The following TAOK3 variants were observed in gnomAD, a reference collection of about 807,000 sequenced individuals.
TAOK3 encodes TAO kinase 3, also known as serine/threonine-protein kinase TAO3.
In TAOK3, 40 loss-of-function variants were observed where a neutral mutation model predicts 120.4. The observed-to-expected ratio is 0.33, with a 90% CI of 0.26 to 0.43. The LOEUF (loss-of-function observed/expected upper bound fraction) is 0.43, where lower values mean the gene tolerates loss of function less well. TAOK3 is among the 20% of genes least tolerant of loss of function. The pLI, the probability that TAOK3 is intolerant of heterozygous loss-of-function variation, is 1.00. For synonymous variants in TAOK3, 355 were observed against 387.5 expected, an observed-to-expected ratio of 0.92 and a Z score of 0.99; for missense variants, 821 against 1,112.1, an observed-to-expected ratio of 0.74 and a Z score of 3.72.
intron 17 of TAOK3, among the ~76,000 whole-genome samples, chr12:118,162,397 A>G (rs2035277649): frequency 6.6e-6 from 1 of 152,136 alleles, no homozygotes; most frequent in Admixed American, 6.6e-5. Flanking sequence ...CTACACCCTG[A>G]CGGCCCATAA....
At chr12:118,356,456 C>G (rs545517719) in intron 1 of TAOK3, among the ~76,000 whole-genome samples, 2 of 151,978 alleles carry the variant, frequency 1.3e-5, no homozygotes, top group Admixed American at 6.6e-5. Context: ...TACACCACCA[C>G]GCCCAGCTAA....
At chr12:118,200,416 T>C (rs998748946) in intron 12 of TAOK3, 10 of 152,178 alleles carry the variant, frequency 6.6e-5, no homozygotes, top group African/African-American at 2.4e-4. Context: ...TATTTATGGA[T>C]CTCTCTACAT....
intron 13 of TAOK3, among the ~76,000 whole-genome samples, chr12:118,195,998 T>A (rs1593121879): frequency 1.3e-5 from 2 of 151,732 alleles, no homozygotes; most frequent in Non-Finnish European, 2.9e-5. Flanking sequence ...TGCAGTGAAC[T>A]GAGATCGCGC....
At chr12:118,278,733 C>T (rs557931371) in intron 1 of TAOK3, among the ~76,000 whole-genome samples, 1 of 152,306 alleles carries the variant, frequency 6.6e-6, no homozygotes, top group African/African-American at 2.4e-5. Flanking sequence ...TCCACAATGA[C>T]TGAACTAATT....
intron 1 of TAOK3, among the ~76,000 whole-genome samples, chr12:118,350,503 A>G (rs1471053609): frequency 2.0e-5 from 3 of 152,174 alleles, no homozygotes; most frequent in African/African-American, 4.8e-5. Flanking sequence ...TCATTCAGCA[A>G]TTGTTATTGT....
At chr12:118,357,673 C>T (rs921941313) in intron 1 of TAOK3, among the ~76,000 whole-genome samples, 2 of 152,170 alleles carry the variant, frequency 1.3e-5, no homozygotes, top group Non-Finnish European at 2.9e-5. Context: ...TCTGTCATCA[C>T]GAAGCACCAC....
intron 1 of TAOK3, among the ~76,000 whole-genome samples, chr12:118,289,927 T>C (rs551802924): frequency 6.8e-6 from 1 of 147,044 alleles, no homozygotes; most frequent in African/African-American, 2.5e-5. Context: ...CCCGGGAATG[T>C]AGGTTGCAGT....
chr12:118,189,598 A>G (rs1345414522), intron 14 of TAOK3, among the ~76,000 whole-genome samples: 2 of 133,274 alleles, frequency 1.5e-5, no homozygotes, highest in Admixed American at 1.5e-4. Context: ...TTTTTTTTCC[A>G]TGCCATACAC....
intron 15 of TAOK3, among the ~76,000 whole-genome samples, chr12:118,178,141 T>C (rs542369933): frequency 1.3e-5 from 2 of 152,284 alleles, no homozygotes; most frequent in African/African-American, 4.8e-5. Flanking sequence ...TCGTAGAGAC[T>C]GGGTCCCACT....
intron 1 of TAOK3, among the ~76,000 whole-genome samples, chr12:118,348,584 C>T (rs926108201): frequency 6.6e-6 from 1 of 151,492 alleles, no homozygotes; most frequent in Non-Finnish European, 1.5e-5. Flanking sequence ...CCGAGTAGCT[C>T]GGACTACAGG....
intron 1 of TAOK3, among the ~76,000 whole-genome samples, chr12:118,360,910 T>C (rs2045576942): frequency 6.6e-6 from 1 of 152,164 alleles, no homozygotes; most frequent in Non-Finnish European, 1.5e-5. Context: ...GTTTTAATTG[T>C]TTTTAAAAGG....
chr12:118,276,570 T>C (rs2041909251), intron 1 of TAOK3, among the ~76,000 whole-genome samples: 1 of 151,522 alleles, frequency 6.6e-6, no homozygotes, highest in Non-Finnish European at 1.5e-5. Context: ...GGTGTGGTGG[T>C]GGGCGCCTGT....
intron 13 of TAOK3, 146 bp from the exon 14 acceptor site, chr12:118,190,087 C>T: frequency 1.0e-6 from 1 of 985,002 alleles, no homozygotes; most frequent in South Asian, 1.8e-5. Context: ...TCCCACGGTA[C>T]AAAATGAATA....
intron 6 of TAOK3, among the ~76,000 whole-genome samples, chr12:118,238,971 A>G (rs374899048): frequency 2.6e-5 from 4 of 152,202 alleles, no homozygotes; most frequent in African/African-American, 9.6e-5. Context: ...GGCTACATGT[A>G]CCATATCACA....
intron 17 of TAOK3, among the ~76,000 whole-genome samples, chr12:118,170,657 G>C (rs1387760119): frequency 2.0e-5 from 3 of 152,116 alleles, no homozygotes; most frequent in African/African-American, 7.2e-5. Flanking sequence ...CAGCTACCTG[G>C]GGGGCTGAAG....
In TAOK3 at chr12:118,250,596, A is replaced by G. The variant is rs147075829; in HGVS notation, c.120+4852T>C. 1.1e-3 allele frequency among the ~76,000 whole-genome samples: 175 copies of G among 152,324 alleles called. 1 individual carries two copies. In the East Asian group the frequency reaches 0.028, roughly 24 times the overall value. ...AGAGTTCTTCATCATTCATTCATTC[A>G]ACAAATACTTATTAGCTGCCCACAA... On this transcript the variant is annotated intron_variant, in intron 3 of 20. Transcript: ENST00000392533.
At chr12:118,340,673 T>C (rs972803567) in intron 1 of TAOK3, among the ~76,000 whole-genome samples, 2 of 152,016 alleles carry the variant, frequency 1.3e-5, no homozygotes, top group African/African-American at 4.8e-5. Flanking sequence ...TATCAATTCA[T>C]GGCCCACGTA....
chr12:118,246,005 T>C (rs371825385), intron 3 of TAOK3: 1 of 602,594 alleles, frequency 1.7e-6, no homozygotes, highest in African/African-American at 1.9e-5. Context: ...AGAATCCAAT[T>C]TTTGCAAAAT....
At chr12:118,288,837 A>G (rs942538305) in intron 1 of TAOK3, among the ~76,000 whole-genome samples, 7 of 150,364 alleles carry the variant, frequency 4.7e-5, no homozygotes, top group Non-Finnish European at 5.9e-5. Context: ...AACAGGTTGA[A>G]CCCAGGAAGT....
Sources: allele counts gnomAD v4.1 joint callset (sites outside exome capture counted in the v4.1 genomes callset), GRCh38; gene constraint gnomAD v4.1.1; transcripts MANE v1.5; gene names NCBI Gene and HGNC (gene_info 2026-07-23, HGNC 2026-07-21).